The following PDE10A variants were observed in gnomAD, a reference collection of about 807,000 sequenced individuals.
The protein encoded by PDE10A is cAMP and cAMP-inhibited cGMP 3',5'-cyclic phosphodiesterase 10A.
A neutral mutation model predicts 97.7 loss-of-function variants in PDE10A; 39 were observed. That is an observed-to-expected ratio of 0.40 (90% CI 0.31 to 0.52). The LOEUF is 0.52. Among genes scored for constraint, PDE10A ranks in the 20% least tolerant of loss-of-function variants. The pLI is 0.56. For synonymous variants in PDE10A, 371 were observed against 376.8 expected, an observed-to-expected ratio of 0.98 and a Z score of 0.18; for missense variants, 731 against 1,047.8, an observed-to-expected ratio of 0.70 and a Z score of 4.17.
At chr6:165,776,004 G>T (rs967374302) in intron 1 of PDE10A, among the ~76,000 whole-genome samples, 8 of 152,128 alleles carry the variant, frequency 5.3e-5, no homozygotes, top group Non-Finnish European at 1.0e-4. Context: ...GTTTTCAAGT[G>T]ATTTTATTCG....
chr6:165,408,321 G>C (rs1400820808), intron 13 of PDE10A, among the ~76,000 whole-genome samples: 2 of 152,302 alleles, frequency 1.3e-5, no homozygotes, highest in African/African-American at 2.4e-5. Flanking sequence ...GGAAAAGGTA[G>C]GGAACCCGCA....
intron 2 of PDE10A, among the ~76,000 whole-genome samples, chr6:165,518,764 A>G (rs1307713491): frequency 2.0e-5 from 3 of 152,202 alleles, no homozygotes; most frequent in African/African-American, 7.2e-5. Context: ...AAGAAGGAAA[A>G]ATAAATCTGT....
At chr6:165,614,116 C>CA (rs539148108) in intron 1 of PDE10A, among the ~76,000 whole-genome samples, 227 of 152,326 alleles carry the variant, frequency 1.5e-3, no homozygotes, top group African/African-American at 5.3e-3. Flanking sequence ...CCTCTTTTGT[C>CA]AGTCACTAGC....
chr6:165,536,972 A>T (rs557877335), intron 2 of PDE10A, among the ~76,000 whole-genome samples: 115 of 152,068 alleles, frequency 7.6e-4, no homozygotes, highest in Admixed American at 1.1e-3. Context: ...AAATCAGCAT[A>T]TCAAAGATAT....
chr6:165,818,622 A>G lies in PDE10A; in HGVS notation c.-615+168907T>C, dbSNP rs116068369. Among the ~76,000 whole-genome samples the G allele has an allele frequency of 1.8e-3, 273 of 152,362 alleles. 1 individual carries two copies. The highest frequency in any genetic ancestry group is 6.4e-3 in the African/African-American group (265 of 41,584). Reference sequence around the variant, plus strand: ...TTGCCTGTGGGAAATGGGAGAATGAACTTCAAATACTTAAAATACAAGCAA... The same window carrying G: ...TTGCCTGTGGGAAATGGGAGAATGAGCTTCAAATACTTAAAATACAAGCAA... On this transcript the variant is annotated intron_variant, in intron 1 of 19. Transcript: ENST00000366882.
intron 1 of PDE10A, among the ~76,000 whole-genome samples, chr6:165,899,837 T>G (rs1050393812): frequency 3.9e-5 from 6 of 152,244 alleles, no homozygotes; most frequent in African/African-American, 1.4e-4. Flanking sequence ...TGCAGCCACC[T>G]TCTTGGTGTA....
In PDE10A at chr6:165,374,389, A is replaced by G. The variant is rs9766541; in HGVS notation, c.2783+4805T>C. 6.9e-3 allele frequency among the ~76,000 whole-genome samples: 1,055 copies of G among 152,116 alleles called. 10 individuals carry two copies. Among genetic ancestry groups the G allele is most frequent in the African/African-American group, 0.024 (1,014 of 41,538 alleles). On this transcript the variant is annotated intron_variant, in intron 18 of 21. Coordinates refer to ENST00000539869, the MANE Select transcript of PDE10A (RefSeq NM_001385079.1). ...ATCTGAATAAGTTTTTTGAAAATCT[A>G]ATGTAAAGAAATATGTGTAATATAT...
chr6:165,635,525 G>A (rs531038972), intron 1 of PDE10A, among the ~76,000 whole-genome samples: 20 of 152,204 alleles, frequency 1.3e-4, no homozygotes, highest in African/African-American at 2.2e-4. Flanking sequence ...CCATCACAGC[G>A]GATTTGGAAT....
chr6:165,582,283 T>C (rs972444663), intron 1 of PDE10A, among the ~76,000 whole-genome samples: 1 of 152,158 alleles, frequency 6.6e-6, no homozygotes, highest in African/African-American at 2.4e-5. Flanking sequence ...CTATGGAGCT[T>C]AATGAGGTAA....
intron 1 of PDE10A, among the ~76,000 whole-genome samples, chr6:165,791,662 G>T (rs1778653319): frequency 6.6e-6 from 1 of 152,186 alleles, no homozygotes; most frequent in Non-Finnish European, 1.5e-5. Context: ...ACGAAGATCA[G>T]CGCAGTCTCA....
At chr6:165,339,210 T>C in intron 20 of PDE10A, 68 bp downstream of exon 20, 2 of 874,570 alleles carry the variant, frequency 2.3e-6, no homozygotes, top group South Asian at 1.3e-5. Context: ...TTTCCATTTA[T>C]GTATGATTTT....
chr6:165,443,752 C>T (rs1330114095), intron 5 of PDE10A, among the ~76,000 whole-genome samples: 1 of 152,220 alleles, frequency 6.6e-6, no homozygotes, highest in East Asian at 1.9e-4. Flanking sequence ...ACACTCTTGC[C>T]TTCTGTGTAC....
At chr6:165,803,214 A>G (rs1779028195) in intron 1 of PDE10A, among the ~76,000 whole-genome samples, 1 of 152,116 alleles carries the variant, frequency 6.6e-6, no homozygotes, top group South Asian at 2.1e-4. Flanking sequence ...CCCTTCCCAA[A>G]TTCACCATTT....
intron 2 of PDE10A, among the ~76,000 whole-genome samples, chr6:165,542,720 G>A (rs1473173716): frequency 2.1e-5 from 3 of 143,490 alleles, no homozygotes; most frequent in Non-Finnish European, 3.0e-5. Context: ...CCGGGTTCAC[G>A]CCATTCTCCT....
chr6:165,651,162 G>T lies in PDE10A; in HGVS notation c.865+10785C>A, dbSNP rs186478005. Among the ~76,000 whole-genome samples, 4 of 152,332 alleles carry T rather than the reference G, an allele frequency of 2.6e-5. No homozygotes were observed. In the South Asian group the frequency reaches 8.3e-4, roughly 32 times the overall value. On this transcript the variant is annotated intron_variant, in intron 1 of 21. Transcript: ENST00000539869. ...CGTGGACTTGCCAACAGTGTGTTAT[G>T]AAGTTTATGAATATTTGCAAATGTC... is the stretch of plus-strand genomic sequence containing the variant.
chr6:165,701,345 C>G (rs1006601922), intron 1 of PDE10A, among the ~76,000 whole-genome samples: 4 of 152,194 alleles, frequency 2.6e-5, no homozygotes, highest in Admixed American at 1.3e-4. Flanking sequence ...CCCAATGACA[C>G]AATTTGCCAC....
chr6:165,811,753 C>T (rs1260780242), intron 1 of PDE10A, among the ~76,000 whole-genome samples: 1 of 152,214 alleles, frequency 6.6e-6, no homozygotes, highest in African/African-American at 2.4e-5. Context: ...TTGAAATGAT[C>T]TGGTGTATCA....
chr6:165,692,217 C>T (rs902010842), intron 1 of PDE10A, among the ~76,000 whole-genome samples: 1 of 152,148 alleles, frequency 6.6e-6, no homozygotes, highest in African/African-American at 2.4e-5. Context: ...CCTCTCTGCT[C>T]TATCCACACC....
At chr6:165,395,066 C>T in intron 15 of PDE10A, 115 bp downstream of exon 15, 1 of 601,002 alleles carries the variant, frequency 1.7e-6, no homozygotes, top group Admixed American at 3.2e-5. Context: ...GTAATTTATA[C>T]ATGCAGTATT....
Sources: gnomAD v4.1 joint callset for allele counts (sites outside exome capture counted in the v4.1 genomes callset) on GRCh38, gnomAD v4.1.1 for gene constraint, MANE v1.5 for transcripts, NCBI Gene and HGNC (gene_info 2026-07-23, HGNC 2026-07-21) for gene names.